OXNAD1: variants seen among roughly 807,000 people sequenced by gnomAD.
The protein encoded by OXNAD1 is oxidoreductase NAD binding domain containing 1.
In OXNAD1, 34 loss-of-function variants were observed where a neutral mutation model predicts 32.9. That is an observed-to-expected ratio of 1.03 (90% CI 0.79 to 1.38). The LOEUF (loss-of-function observed/expected upper bound fraction) is 1.38. Ranked by LOEUF, OXNAD1 falls within the 40% of genes most tolerant of loss-of-function variation. OXNAD1 has a pLI of 0.00. For synonymous variants in OXNAD1, 134 were observed against 135.2 expected (o/e 0.99, Z 0.06); for missense variants, 407 against 379.4 (o/e 1.07, Z -0.60).
chr3:16,294,411 G>T, intron 5 of OXNAD1, among the ~76,000 whole-genome samples: 1 of 152,084 alleles, frequency 6.6e-6, no homozygotes, highest in South Asian at 2.1e-4. Context: ...GTTTCACCCT[G>T]TTGGTCAGGT....
In OXNAD1 at chr3:16,336,663, ATTT is replaced by A. The variant is rs79463850; in HGVS notation, c.*31-439_*31-437del. Among the ~76,000 whole-genome samples the A allele has an allele frequency of 6.7e-6, 1 of 149,588 alleles. No individual in the cohort carries two copies. Among genetic ancestry groups the A allele is most frequent in the Non-Finnish European group, 1.5e-5 (1 of 67,218 alleles). ...GCTTTCATAATGTTCAAAGAGAATA[ATTT>A]TTTTTTTTTAAAAAAGCTTAGTTCT... On this transcript the variant is annotated intron_variant, in intron 9 of 9. Transcript: ENST00000435829. The surrounding 1 kb of genome is among the most constrained non-coding windows in gnomAD (Gnocchi z 6.0).
rs2067447785 is a variant in OXNAD1 at position 16,305,012 on chromosome 3, T to G, written c.*1450T>G. 1.3e-5 allele frequency: 2 copies of G among 152,184 alleles called. No homozygotes were observed. The highest frequency in any genetic ancestry group is 4.8e-5 in the African/African-American group (2 of 41,418). 9.4% of individuals were successfully genotyped at this position (152,184 alleles called of 1,614,324 possible). ...GACCTGATGGGAATATCATAATCCATTCAAGGAAATGGTCATTAGTACCTC... is the reference window on the plus strand; with the variant it reads ...GACCTGATGGGAATATCATAATCCAGTCAAGGAAATGGTCATTAGTACCTC... On this transcript the variant is annotated 3_prime_UTR_variant, in exon 9 of 9. Coordinates refer to ENST00000285083, the MANE Select transcript of OXNAD1 (RefSeq NM_138381.5). The surrounding 1 kb of genome is among the most constrained non-coding windows in gnomAD (Gnocchi z 4.5).
At chr3:16,324,949 C>T (rs1178101222) in intron 9 of OXNAD1, among the ~76,000 whole-genome samples, 1 of 152,022 alleles carries the variant, frequency 6.6e-6, no homozygotes, top group African/African-American at 2.4e-5. Flanking sequence ...CAAGAGTGTA[C>T]AAGGGTTCTC....
intron 4 of OXNAD1, among the ~76,000 whole-genome samples, chr3:16,273,541 A>G (rs747557815): frequency 2.0e-5 from 3 of 152,000 alleles, no homozygotes; most frequent in African/African-American, 7.2e-5. Context: ...CTACAGGCAC[A>G]CTATTGTGCT....
chr3:16,348,542 G>T lies in OXNAD1; in HGVS notation c.*31-634G>T, dbSNP rs973157238. 6.6e-6 allele frequency among the ~76,000 whole-genome samples: 1 copy of T among 152,014 alleles called. No homozygotes were observed. Among genetic ancestry groups the T allele is most frequent in the Non-Finnish European group, 1.5e-5 (1 of 67,994 alleles). ...CTTGTTCAGTCTCTGCTCTCTCCCA[G>T]GGCACTTCTGGTCAGCAGGGCACAA... On this transcript the variant is annotated intron_variant, in intron 9 of 9. Transcript: ENST00000606098. The surrounding 1 kb of genome is among the most constrained non-coding windows in gnomAD (Gnocchi z 6.3).
rs923383934 is a variant in OXNAD1 at position 16,284,616 on chromosome 3, A to T, written c.184-1726A>T. On this transcript the variant is annotated intron_variant, in intron 4 of 8. Transcript: ENST00000285083. The surrounding 1 kb of genome is among the most constrained non-coding windows in gnomAD (Gnocchi z 4.1). ...TGACCAAAATGTCGTTGCACAGCAC[A>T]TGACTGTACATTATAACCAACATTA... is the stretch of plus-strand genomic sequence containing the variant. Among the ~76,000 whole-genome samples, 21 of 152,252 alleles carry T rather than the reference A, an allele frequency of 1.4e-4. No homozygotes were observed. Among genetic ancestry groups the T allele is most frequent in the Non-Finnish European group, 5.9e-5 (4 of 68,044 alleles).
chr3:16,330,198 A>G (rs950248843), intron 9 of OXNAD1, among the ~76,000 whole-genome samples: 3 of 152,188 alleles, frequency 2.0e-5, no homozygotes, highest in Admixed American at 6.5e-5. Context: ...TGGCCATCAC[A>G]TGGTGAGTTG....
rs754232630 is a variant in OXNAD1 at position 16,323,456 on chromosome 3, C to T, written c.*31-13656C>T. On this transcript the variant is annotated intron_variant, in intron 9 of 9. Transcript: ENST00000435829. ...ATCTGCTTGGTGGATACACTCCCCT[C>T]GCTGTAACACACGGAGCTGAGAATG... The T allele has an allele frequency of 4.2e-5, 68 of 1,609,752 alleles. 1 individual carries two copies. Among genetic ancestry groups the T allele is most frequent in the Admixed American group, 1.7e-4 (10 of 59,916 alleles).
chr3:16,303,691 ACCAGCTGGATAATAAAAG>A lies in OXNAD1; in HGVS notation c.*138_*155del. On this transcript the variant is annotated 3_prime_UTR_variant, in exon 9 of 9. Transcript: ENST00000285083. The surrounding 1 kb of genome is among the most constrained non-coding windows in gnomAD (Gnocchi z 4.8). Reference sequence around the variant, plus strand: ...ATTTTTTAAGGCTATAAACTTAGTGACCAGCTGGATAATAAAAGCCAGCTGGCAGACTTAAATGATAAA... The same window carrying A: ...ATTTTTTAAGGCTATAAACTTAGTGACCAGCTGGCAGACTTAAATGATAAA... The A allele has an allele frequency of 9.5e-7, 1 of 1,047,840 alleles. No homozygotes were observed. The highest frequency in any genetic ancestry group is 1.3e-6 in the Non-Finnish European group (1 of 768,476). 64.9% of individuals were successfully genotyped at this position (1,047,840 alleles called of 1,614,324 possible).
chr3:16,286,473 G>A (rs370326537), intron 5 of OXNAD1, 25 bp downstream of exon 5: 2 of 1,578,310 alleles, frequency 1.3e-6, no homozygotes, highest in African/African-American at 1.3e-5. Flanking sequence ...TGTGTTCCAT[G>A]TATGTATGTT....
intron 1 of OXNAD1, among the ~76,000 whole-genome samples, chr3:16,267,136 C>T (rs1483858722): frequency 1.3e-5 from 2 of 152,216 alleles, no homozygotes; most frequent in East Asian, 3.8e-4. Context: ...AGTGTCCTCT[C>T]ACACCCTGCC....
At position 16,294,966 on chromosome 3, in the gene OXNAD1, A is replaced by ACC; in HGVS notation, c.402_403dup (p.His135ProfsTer20). On this transcript the variant is annotated frameshift_variant, in exon 6 of 9. Transcript: ENST00000285083. LOFTEE classifies it high-confidence loss of function. Reference sequence around the variant, plus strand: ...ATAGAATTGGCAGTGAAATATACGAACCACCCTCCTGCCCTCTGGGTTCAC... The same window carrying ACC: ...ATAGAATTGGCAGTGAAATATACGAACCCCACCCTCCTGCCCTCTGGGTTCAC... The ACC allele has an allele frequency of 6.2e-7, 1 of 1,612,738 alleles. No individual in the cohort carries two copies. The highest frequency in any genetic ancestry group is 8.5e-7 in the Non-Finnish European group (1 of 1,179,428).
intron 1 of OXNAD1, among the ~76,000 whole-genome samples, chr3:16,268,723 G>A (rs1404625720): frequency 6.6e-6 from 1 of 152,182 alleles, no homozygotes; most frequent in Admixed American, 6.5e-5. Flanking sequence ...ATCCTATTGT[G>A]AGGACAACTT....
rs1010365151 is a variant in OXNAD1, at chr3:16,302,500, T to A, written c.676-140T>A. The A allele has an allele frequency of 1.6e-6, 1 of 628,186 alleles. No homozygotes were observed. Among genetic ancestry groups the A allele is most frequent in the African/African-American group, 1.9e-5 (1 of 53,840 alleles). 38.9% of individuals were successfully genotyped at this position (628,186 alleles called of 1,614,324 possible). ...GTCTGAATGCTCTGGCCTGCTAGGC[T>A]GCAAACAATATCTCTCTAAGTAGAG... On this transcript the variant is annotated intron_variant, in intron 7 of 8. Coordinates refer to ENST00000285083, the MANE Select transcript of OXNAD1 (RefSeq NM_138381.5). The surrounding 1 kb of genome is among the most constrained non-coding windows in gnomAD (Gnocchi z 4.2).
At chr3:16,267,359 C>T (rs559743171) in intron 1 of OXNAD1, among the ~76,000 whole-genome samples, 2 of 152,276 alleles carry the variant, frequency 1.3e-5, no homozygotes, top group East Asian at 3.9e-4. Flanking sequence ...TGTCCTTCTC[C>T]TGATTGATTC....
rs1043724201 is a variant in OXNAD1 at position 16,344,483 on chromosome 3, G to C, written c.*31-4693G>C. Among the ~76,000 whole-genome samples the C allele has an allele frequency of 1.3e-5, 2 of 152,136 alleles. No homozygotes were observed. Among genetic ancestry groups the C allele is most frequent in the African/African-American group, 2.4e-5 (1 of 41,420 alleles). Reference sequence around the variant, plus strand: ...CAGAGTCTTCCCCACTCTCAGACCTGCCCTGGCCTTCTTCCCCCTCGCCCA... The same window carrying C: ...CAGAGTCTTCCCCACTCTCAGACCTCCCCTGGCCTTCTTCCCCCTCGCCCA... On this transcript the variant is annotated intron_variant, in intron 9 of 9. Transcript: ENST00000606098. The surrounding 1 kb of genome is among the most constrained non-coding windows in gnomAD (Gnocchi z 4.4).
intron 9 of OXNAD1, among the ~76,000 whole-genome samples, chr3:16,311,453 A>G (rs1469675093): frequency 6.6e-6 from 1 of 152,182 alleles, no homozygotes; most frequent in Non-Finnish European, 1.5e-5. Flanking sequence ...GAAAGGTATA[A>G]AGACTTCACT....
chr3:16,291,566 CATCT>C (rs1249259537), intron 5 of OXNAD1, among the ~76,000 whole-genome samples: 1 of 152,184 alleles, frequency 6.6e-6, no homozygotes, highest in Non-Finnish European at 1.5e-5. Flanking sequence ...TTTCAGGGTT[CATCT>C]ATGTTGTAGC....
Position 16,288,872 on chromosome 3 carries a change from T to A in OXNAD1, c.290+2424T>A, listed in dbSNP as rs1053081930. On this transcript the variant is annotated intron_variant, in intron 5 of 8. Transcript: ENST00000285083. The surrounding 1 kb of genome is among the most constrained non-coding windows in gnomAD (Gnocchi z 5.1). ...CACTGGTCCTCACACAGTGTGCAGC[T>A]GCCCTGAGTTTCTAGATTCACATTT... 2.0e-5 allele frequency among the ~76,000 whole-genome samples: 3 copies of A among 152,200 alleles called. No homozygotes were observed. Among genetic ancestry groups the A allele is most frequent in the Admixed American group, 6.5e-5 (1 of 15,276 alleles).
Sources: allele counts gnomAD v4.1 joint callset (sites outside exome capture counted in the v4.1 genomes callset), GRCh38; gene constraint gnomAD v4.1.1; non-coding constraint Gnocchi (gnomAD v3.1); transcripts MANE v1.5; gene names NCBI Gene and HGNC (gene_info 2026-07-23, HGNC 2026-07-21).